PHF11: variants seen among roughly 807,000 people sequenced by gnomAD.
The protein encoded by PHF11 is BRCA1 C-terminus-associated protein.
Under a neutral mutation model 40.5 loss-of-function variants are expected in PHF11, and 38 were observed. The ratio of observed to expected loss-of-function variants is 0.94; its 90% CI spans 0.72 to 1.23. The LOEUF (loss-of-function observed/expected upper bound fraction) is 1.23, where lower values mean the gene tolerates loss of function less well. PHF11 is among the 50% of genes most tolerant of loss of function. The pLI is 0.00. For missense variants in PHF11, 369 were observed against 392.4 expected, an observed-to-expected ratio of 0.94 and a Z score of 0.50; for synonymous variants, 127 against 138.2, an observed-to-expected ratio of 0.92 and a Z score of 0.57.
At chr13:49,519,739 T>C (rs922038509) in intron 4 of PHF11, among the ~76,000 whole-genome samples, 2 of 152,084 alleles carry the variant, frequency 1.3e-5, no homozygotes, top group Non-Finnish European at 2.9e-5. Context: ...TGGGGGTTCA[T>C]CCTGATATTT....
chr13:49,498,261 G>A (rs1383435793), intron 1 of PHF11, among the ~76,000 whole-genome samples: 3 of 152,170 alleles, frequency 2.0e-5, no homozygotes, highest in African/African-American at 4.8e-5. Context: ...ATAACACTAC[G>A]GAGCTTGACT....
At position 49,506,841 on chromosome 13, in the gene PHF11, C is replaced by G. The variant is rs1959001473; in HGVS notation, c.216+85C>G. ...GAATAGATAAACAACACTTTGGACA[C>G]AAAGAATAACAAGTTGGCCATGGTT... On this transcript the variant is annotated intron_variant, in intron 2 of 9. Coordinates refer to ENST00000378319, the MANE Select transcript of PHF11 (RefSeq NM_001040443.3). 5 of 657,724 alleles carry G rather than the reference C, an allele frequency of 7.6e-6. No individual in the cohort carries two copies. In the African/African-American group the frequency reaches 8.1e-5, roughly 11 times the overall value. The allele number at this position is 657,724 out of a possible 1,614,324, so 40.7% of individuals were successfully genotyped here.
Position 49,525,929 on chromosome 13 carries a change from G to A in PHF11, c.770-458G>A, listed in dbSNP as rs879094208. 6 of 375,798 alleles carry A rather than the reference G, an allele frequency of 1.6e-5. No individual in the cohort carries two copies. In the East Asian group the frequency reaches 4.2e-4, roughly 26 times the overall value. 23.3% of individuals were successfully genotyped at this position (375,798 alleles called of 1,614,324 possible). A position where few individuals can be genotyped will look rare whatever the true frequency, so the allele number is the denominator to read the frequency against. ...CACGCCTGTAATCCCAGCACTTTGG[G>A]AGCCCGAGGTGAGTGGATCATCTGT... is the stretch of plus-strand genomic sequence containing the variant. On this transcript the variant is annotated intron_variant, in intron 8 of 9. Coordinates refer to ENST00000378319, the MANE Select transcript of PHF11 (RefSeq NM_001040443.3).
chr13:49,522,759 G>C (rs7324934), intron 6 of PHF11, among the ~76,000 whole-genome samples: 1 of 31,762 alleles, frequency 3.1e-5, no homozygotes, highest in Admixed American at 4.1e-4. Flanking sequence ...TGAATATGGG[G>C]TTTTTTTGTT....
chr13:49,515,521 G>C (rs1303054299), intron 3 of PHF11, among the ~76,000 whole-genome samples: 1 of 147,144 alleles, frequency 6.8e-6, no homozygotes, highest in African/African-American at 2.5e-5. Context: ...ATCTAAATCT[G>C]CTCATAAAAA....
intron 2 of PHF11, among the ~76,000 whole-genome samples, chr13:49,512,071 T>C (rs1172324223): frequency 6.6e-6 from 1 of 152,236 alleles, no homozygotes; most frequent in Non-Finnish European, 1.5e-5. Flanking sequence ...CTGGGTCTTG[T>C]TATTTTAGGC....
At chr13:49,504,845 A>C (rs1197008052) in intron 1 of PHF11, among the ~76,000 whole-genome samples, 1 of 151,168 alleles carries the variant, frequency 6.6e-6, no homozygotes, top group Non-Finnish European at 1.5e-5. Flanking sequence ...TAGACATGGG[A>C]GACTTTTCAT....
intron 1 of PHF11, among the ~76,000 whole-genome samples, chr13:49,501,011 T>TTG (rs1958896470): frequency 6.8e-5 from 8 of 118,270 alleles, no homozygotes; most frequent in South Asian, 3.4e-4. Context: ...TTTTTTTTTT[T>TTG]TTTTGGTTTT....
chr13:49,524,161 A>T lies in PHF11; in HGVS notation c.714A>T (p.Leu238Phe). The change falls in exon 8 of 10, where the codon TTA becomes TTT. Residue 238 changes from leucine to phenylalanine, a missense_variant. By Grantham distance (22) the Leu-to-Phe change is conservative (BLOSUM62 0). Coordinates refer to ENST00000378319, the MANE Select transcript of PHF11 (RefSeq NM_001040443.3). ...GLLNYLLEEI[L>F]DKVHSIPEKL... ...TTAATTACTTACTTGAAGAAATATTAGACAAAGTTCATTCAATTCCAGAAA... is the reference window on the plus strand; with the variant it reads ...TTAATTACTTACTTGAAGAAATATTTGACAAAGTTCATTCAATTCCAGAAA... 1 of 1,608,124 alleles carries T rather than the reference A, an allele frequency of 6.2e-7. No homozygotes were observed. Among genetic ancestry groups the T allele is most frequent in the Non-Finnish European group, 8.5e-7 (1 of 1,175,210 alleles).
intron 1 of PHF11, among the ~76,000 whole-genome samples, chr13:49,503,757 G>T (rs1173191488): frequency 1.3e-5 from 2 of 152,194 alleles, no homozygotes; most frequent in Non-Finnish European, 2.9e-5. Flanking sequence ...TTTTGAGACA[G>T]AGCCTCATTC....
At chr13:49,505,956 C>T (rs900867214) in intron 1 of PHF11, among the ~76,000 whole-genome samples, 2 of 152,024 alleles carry the variant, frequency 1.3e-5, no homozygotes, top group African/African-American at 4.8e-5. Flanking sequence ...GATAATTAAC[C>T]AGAGCACTAT....
intron 6 of PHF11, 30 bp from the exon 7 acceptor site, chr13:49,523,145 A>G (rs1263410738): frequency 7.2e-7 from 1 of 1,392,772 alleles, no homozygotes; most frequent in East Asian, 2.3e-5. Context: ...ATTAAAATCA[A>G]TGTAATGCAA....
intron 7 of PHF11, chr13:49,523,832 CTT>C (rs1416523028): frequency 1.4e-4 from 39 of 273,452 alleles, no homozygotes; most frequent in African/African-American, 8.5e-4. Flanking sequence ...AAAAAAGCCT[CTT>C]AATTCATATA....
chr13:49,526,486 G>C, intron 9 of PHF11, 28 bp downstream of exon 9: 3 of 1,168,272 alleles, frequency 2.6e-6, no homozygotes, highest in Non-Finnish European at 1.3e-6. Flanking sequence ...CATCTGAGCA[G>C]CATAGTTTTG....
At position 49,524,272 on chromosome 13, in the gene PHF11, AAAACAAAAC is replaced by A. The variant is rs1218970592; in HGVS notation, c.769+61_769+69del. 11 of 330,454 alleles carry A rather than the reference AAAACAAAAC, an allele frequency of 3.3e-5. No homozygotes were observed. The East Asian group carries it at 1.0e-3, about 31-fold the overall frequency. 20.5% of individuals were successfully genotyped at this position (330,454 alleles called of 1,614,324 possible). A position where few individuals can be genotyped will look rare whatever the true frequency, so the allele number is the denominator to read the frequency against. On this transcript the variant is annotated intron_variant, in intron 8 of 9. Transcript: ENST00000378319. ...AGAGACTTCTCCCAGATCTAGATTT[AAAACAAAAC>A]AAACCCAAGAAAAAAAAAAAGGCCC...
chr13:49,528,533 A>T lies in PHF11; in HGVS notation c.864A>T (p.Ala288=). 6.2e-7 allele frequency: 1 copy of T among 1,604,460 alleles called. No homozygotes were observed. Among genetic ancestry groups the T allele is most frequent in the Non-Finnish European group, 8.5e-7 (1 of 1,176,528 alleles). ...FQAAIEKKIH[A]SQQRWQQLKE... ...TAGCAATAGAGAAAAAAATTCATGC[A>T]TCTCAACAAAGGTGGCAGCAGTTGA... is the stretch of plus-strand genomic sequence containing the variant. Residue 288 remains alanine (A), a synonymous_variant, in exon 10 of 10, where the codon GCA becomes GCT. Transcript: ENST00000378319.
At chr13:49,521,685 G>A (rs60723161) in intron 5 of PHF11, among the ~76,000 whole-genome samples, 8,382 of 152,150 alleles carry the variant, frequency 0.055, 346 homozygotes, top group South Asian at 0.13. Flanking sequence ...ATCCTTATTA[G>A]TCTGTTTTAC....
chr13:49,500,433 G>A (rs148047982), intron 1 of PHF11, among the ~76,000 whole-genome samples: 18 of 152,224 alleles, frequency 1.2e-4, no homozygotes, highest in South Asian at 4.1e-4. Context: ...CATGAGTTTC[G>A]GATAACACAT....
chr13:49,497,077 G>C (rs1464004856), intron 1 of PHF11: 2 of 1,276,498 alleles, frequency 1.6e-6, no homozygotes, highest in Non-Finnish European at 2.0e-6. Flanking sequence ...GCCAAAGGTG[G>C]AAAAGTTGAA....
Sources: allele counts gnomAD v4.1 joint callset (sites outside exome capture counted in the v4.1 genomes callset), GRCh38; gene constraint gnomAD v4.1.1; transcripts MANE v1.5; gene names NCBI Gene and HGNC (gene_info 2026-07-23, HGNC 2026-07-21).